The following EIF1AX variants were observed in gnomAD, a reference collection of about 807,000 sequenced individuals.
The protein encoded by EIF1AX is eukaryotic translation initiation factor 1A, X-chromosomal.
EIF1AX carries 1 observed loss-of-function variant against 16.1 expected under a neutral mutation model. The observed-to-expected ratio is 0.06, with a 90% CI of 0.02 to 0.30. EIF1AX has a LOEUF of 0.30. Ranked by LOEUF, EIF1AX falls within the 10% of genes least tolerant of loss-of-function variation. The probability of loss-of-function intolerance (pLI) is 1.00; values close to 1 mark genes in which losing one functional copy is unlikely to be tolerated. For missense variants in EIF1AX, 11 were observed against 109.1 expected, an observed-to-expected ratio of 0.10 and a Z score of 4.00; for synonymous variants, 32 against 37.3, an observed-to-expected ratio of 0.86 and a Z score of 0.51.
rs2148606304 is a variant in EIF1AX at position 20,127,733 on chromosome X, T to C, written c.*573A>G. ...ACGGCATTTTGGAAATCTTTTTTTT[T>C]TTTTTTATGTTTACGGTGGCAAAAT... On this transcript the variant is annotated 3_prime_UTR_variant, in exon 7 of 7. Transcript: ENST00000379607. The C allele has an allele frequency of 6.4e-6, 1 of 155,133 alleles. No individual in the cohort carries two copies. Among genetic ancestry groups the C allele is most frequent in the East Asian group, 9.7e-5 (1 of 10,320 alleles). The allele number at this position is 155,133 out of a possible 1,213,427, so 12.8% of individuals were successfully genotyped here.
chrX:20,138,002 T>G (rs1004576392), intron 2 of EIF1AX, among the ~76,000 whole-genome samples: 1 of 78,845 alleles, frequency 1.3e-5, no homozygotes, highest in East Asian at 4.0e-4. Flanking sequence ...CAGTTTTTTT[T>G]TTTTTTTTTT....
intron 5 of EIF1AX, among the ~76,000 whole-genome samples, chrX:20,131,916 TA>T (rs779793342): frequency 9.2e-6 from 1 of 108,573 alleles, no homozygotes; most frequent in South Asian, 4.1e-4. Context: ...GAAGGAATTT[TA>T]ATAGATACTA....
intron 4 of EIF1AX, among the ~76,000 whole-genome samples, chrX:20,133,310 G>A (rs752466303): frequency 1.8e-5 from 2 of 110,856 alleles, no homozygotes; most frequent in South Asian, 7.7e-4. Flanking sequence ...GGATTATTGT[G>A]AGGCGGACCA....
intron 6 of EIF1AX, among the ~76,000 whole-genome samples, chrX:20,130,123 G>A (rs1258311682): frequency 9.2e-6 from 1 of 109,138 alleles, no homozygotes. Flanking sequence ...CCAACGTGGT[G>A]AAACCTCGTC....
chrX:20,133,314 C>T (rs920473027), intron 4 of EIF1AX, among the ~76,000 whole-genome samples: 1 of 110,708 alleles, frequency 9.0e-6, no homozygotes, highest in Non-Finnish European at 1.9e-5. Flanking sequence ...TATTGTGAGG[C>T]GGACCATTCT....
Position 20,134,283 on chromosome X carries a change from G to A in EIF1AX, c.205-276C>T, listed in dbSNP as rs192799444. ...TGCCCTTGTAGTCCCAGCTACTCGG[G>A]AGGCTGAGGCTGGAGAATCACTTGA... On this transcript the variant is annotated intron_variant, in intron 3 of 6. Transcript: ENST00000379607. Among the ~76,000 whole-genome samples, 565 of 111,774 alleles carry A rather than the reference G, an allele frequency of 5.1e-3. 2 individuals carry two copies. The highest frequency in any genetic ancestry group is 0.012 in the African/African-American group (362 of 30,756).
chrX:20,141,567 C>T (rs2067034273), intron 1 of EIF1AX, 58 bp downstream of exon 1: 1 of 1,131,816 alleles, frequency 8.8e-7, no homozygotes, highest in Non-Finnish European at 1.2e-6. Context: ...AATCTACGGG[C>T]AGGACCTGGG....
intron 1 of EIF1AX, 73 bp downstream of exon 1, chrX:20,141,552 C>T (rs2067034243): frequency 1.5e-5 from 17 of 1,107,379 alleles, no homozygotes; most frequent in African/African-American, 3.8e-5. Flanking sequence ...GCCTGGGTGA[C>T]CTGCAATCTA....
chrX:20,136,502 C>T (rs958480728), intron 2 of EIF1AX: 1 of 151,278 alleles, frequency 6.6e-6, no homozygotes, highest in African/African-American at 3.1e-5. Context: ...GACTACCCCA[C>T]TTTTGGCTCT....
chrX:20,130,302 C>CAAAAAA (rs773734086), intron 6 of EIF1AX, among the ~76,000 whole-genome samples: 169 of 28,363 alleles, frequency 6.0e-3, no homozygotes, highest in Non-Finnish European at 7.9e-3. Flanking sequence ...AACTCCATCA[C>CAAAAAA]AAAAAAAAAA....
chrX:20,141,518 C>A (rs1375980092), intron 1 of EIF1AX, 107 bp downstream of exon 1: 4 of 967,334 alleles, frequency 4.1e-6, no homozygotes, highest in Non-Finnish European at 5.6e-6. Context: ...GCAGGCAGGG[C>A]GGGAAGGAAA....
chrX:20,141,384 T>C (rs2067033628), intron 1 of EIF1AX, among the ~76,000 whole-genome samples: 1 of 111,490 alleles, frequency 9.0e-6, no homozygotes, highest in Admixed American at 9.5e-5. Context: ...GCCCACATTC[T>C]CCCGCAGGAG....
chrX:20,127,980 G>C lies in EIF1AX; in HGVS notation c.*326C>G. 1 of 209,001 alleles carries C rather than the reference G, an allele frequency of 4.8e-6. No homozygotes were observed. The highest frequency in any genetic ancestry group is 8.6e-6 in the Non-Finnish European group (1 of 116,594). The allele number at this position is 209,001 out of a possible 1,213,427, so 17.2% of individuals were successfully genotyped here. A position where few individuals can be genotyped will look rare whatever the true frequency, so the allele number is the denominator to read the frequency against. ...CAGATTCCGTGAGGACAAGGCAAAT[G>C]ATTTCTTCAAAACACCCATTTTCTT... On this transcript the variant is annotated 3_prime_UTR_variant, in exon 7 of 7. Transcript: ENST00000379607.
chrX:20,138,441 C>G (rs1457276432), intron 2 of EIF1AX, 98 bp downstream of exon 2: 2 of 706,672 alleles, frequency 2.8e-6, no homozygotes, highest in African/African-American at 4.2e-5. Context: ...CACACTTCAC[C>G]CTGGGCGATG....
rs187186325 is a variant in EIF1AX, at chrX:20,134,031, G to A, written c.205-24C>T. The A allele has an allele frequency of 1.8e-4, 207 of 1,171,321 alleles. 1 individual carries two copies. In the Admixed American group the frequency reaches 4.0e-3, roughly 23 times the overall value. On this transcript the variant is annotated intron_variant, in intron 3 of 6. Coordinates refer to ENST00000379607, the MANE Select transcript of EIF1AX (RefSeq NM_001412.4). ...ACCTACAAAAGAAAAGTCACTGCCC[G>A]TCACATTTAAAATAACGAAGAATCA...
intron 3 of EIF1AX, among the ~76,000 whole-genome samples, chrX:20,134,805 A>T (rs1014059219): frequency 8.9e-6 from 1 of 112,083 alleles, no homozygotes; most frequent in African/African-American, 3.2e-5. Flanking sequence ...ATACCAAATT[A>T]AAAAAAATAA....
chrX:20,133,811 T>G (rs2067007868), intron 4 of EIF1AX, 146 bp downstream of exon 4: 1 of 471,921 alleles, frequency 2.1e-6, no homozygotes, highest in Non-Finnish European at 3.6e-6. Flanking sequence ...TTCAGCTGTA[T>G]CCCCTAGAAT....
chrX:20,136,497 C>T (rs183116923), intron 2 of EIF1AX: 2 of 150,110 alleles, frequency 1.3e-5, no homozygotes, highest in Admixed American at 7.1e-5. Flanking sequence ...AGATTGACTA[C>T]CCCACTTTTG....
chrX:20,127,689 T>C lies in EIF1AX; in HGVS notation c.*617A>G, dbSNP rs2066989359. ...AAGCTTACAAATTCAATACTGCTATTAAAACCCAGGTTCTGAAAACGGCAT... is the reference window on the plus strand; with the variant it reads ...AAGCTTACAAATTCAATACTGCTATCAAAACCCAGGTTCTGAAAACGGCAT... On this transcript the variant is annotated 3_prime_UTR_variant, in exon 7 of 7. Transcript: ENST00000379607. The C allele has an allele frequency of 6.4e-6, 1 of 155,746 alleles. No homozygotes were observed. Among genetic ancestry groups the C allele is most frequent in the Non-Finnish European group, 1.3e-5 (1 of 79,454 alleles). 12.8% of individuals were successfully genotyped at this position (155,746 alleles called of 1,213,427 possible). A position where few individuals can be genotyped will look rare whatever the true frequency, so the allele number is the denominator to read the frequency against.
Sources: allele counts gnomAD v4.1 joint callset (sites outside exome capture counted in the v4.1 genomes callset), GRCh38; gene constraint gnomAD v4.1.1; transcripts MANE v1.5; gene names NCBI Gene and HGNC (gene_info 2026-07-23, HGNC 2026-07-21).